Variants in PPIB observed in about 807,000 individuals in gnomAD.
PPIB encodes peptidylprolyl isomerase B, also known as peptidyl-prolyl cis-trans isomerase B.
A neutral mutation model predicts 20.1 loss-of-function variants in PPIB; 15 were observed. That is an observed-to-expected ratio of 0.75 (90% CI 0.50 to 1.15). PPIB has a LOEUF of 1.15. Ranked by LOEUF, PPIB falls within the 50% of genes most tolerant of loss-of-function variation. The pLI is 0.00. For missense variants in PPIB, 278 were observed against 283.0 expected (o/e 0.98, Z 0.13); for synonymous variants, 129 against 111.0 (o/e 1.16, Z -1.02).
chr15:64,162,761 G>T, intron 1 of PPIB, 91 bp downstream of exon 1: 1 of 1,549,316 alleles, frequency 6.5e-7, no homozygotes, highest in Non-Finnish European at 8.7e-7. Context: ...GCCACAGACA[G>T]AAGCCGAGGG....
chr15:64,162,968 G>C lies in PPIB; in HGVS notation c.19C>G (p.Arg7Gly). 2 of 1,613,228 alleles carry C rather than the reference G, an allele frequency of 1.2e-6. No homozygotes were observed. The highest frequency in any genetic ancestry group is 1.3e-5 in the African/African-American group (1 of 75,028). ...GCGGCAAGGAGCACCTTCATGTTGC[G>C]TTCGGAGAGGCGCAGCATCCACAGG... is the stretch of plus-strand genomic sequence containing the variant. MLRLSE[R>G]NMKVLLAAAL... The change falls in exon 1 of 5, where the codon CGC (arginine) becomes GGC (glycine). Residue 7 changes from arginine to glycine, a missense_variant. Arg to Gly is a moderately radical substitution (Grantham distance 125). Coordinates refer to ENST00000300026, the MANE Select transcript of PPIB (RefSeq NM_000942.5).
At position 64,160,331 on chromosome 15, in the gene PPIB, C is replaced by G. The variant is rs964589073; in HGVS notation, c.250-134G>C. ...ACCACTGCTGACCACTTTCACTGTT[C>G]AGTGTGCTACTAAGTGAGCGGGCAG... is the stretch of plus-strand genomic sequence containing the variant. On this transcript the variant is annotated intron_variant, in intron 2 of 4. Transcript: ENST00000300026. This position sits in a 1 kb window ranked among gnomAD's most constrained non-coding sequence, Gnocchi z 4.8. The G allele has an allele frequency of 2.6e-6, 2 of 757,332 alleles. No homozygotes were observed. The highest frequency in any genetic ancestry group is 4.0e-5 in the Admixed American group (2 of 50,134). 46.9% of individuals were successfully genotyped at this position (757,332 alleles called of 1,614,324 possible).
chr15:64,162,114 C>A lies in PPIB; in HGVS notation c.176G>T (p.Arg59Leu). 1 of 1,614,114 alleles carries A rather than the reference C, an allele frequency of 6.2e-7. No individual in the cohort carries two copies. Among genetic ancestry groups the A allele is most frequent in the Non-Finnish European group, 8.5e-7 (1 of 1,179,974 alleles). Residue 59 changes from arginine (R) to leucine (L), a missense_variant, in exon 2 of 5, where the codon CGG becomes CTG. Transcript: ENST00000300026. ...DLRIGDEDVG[R>L]VIFGLFGKTV... ...CTTTCCGAAGAGACCAAAGATCACC[C>A]GGCCTACATCTTCATCTCCAATTCG...
chr15:64,162,290 T>C lies in PPIB; in HGVS notation c.136-136A>G, dbSNP rs1596031506. ...AGAGAAGTGGTTCTGAATCTGATTT[T>C]GGTGACGGTAAAAATCCTATGAGAA... On this transcript the variant is annotated intron_variant, in intron 1 of 4. Coordinates refer to ENST00000300026, the MANE Select transcript of PPIB (RefSeq NM_000942.5). 5 of 750,920 alleles carry C rather than the reference T, an allele frequency of 6.7e-6. No individual in the cohort carries two copies. In the East Asian group the frequency reaches 1.3e-4, roughly 19 times the overall value. 46.5% of individuals were successfully genotyped at this position (750,920 alleles called of 1,614,324 possible).
In PPIB at chr15:64,158,654, A is replaced by G. The variant is rs2140182457; in HGVS notation, c.343+1450T>C. ...TGCAGGCCGAAGCCCAGGCTGCAGG[A>G]CATCACCCACCTCTCTGCACTCCGG... On this transcript the variant is annotated intron_variant, in intron 3 of 4. Coordinates refer to ENST00000300026, the MANE Select transcript of PPIB (RefSeq NM_000942.5). This position sits in a 1 kb window ranked among gnomAD's most constrained non-coding sequence, Gnocchi z 4.7. 6.6e-6 allele frequency among the ~76,000 whole-genome samples: 1 copy of G among 152,208 alleles called. No homozygotes were observed. Among genetic ancestry groups the G allele is most frequent in the Admixed American group, 6.5e-5 (1 of 15,292 alleles).
intron 1 of PPIB, 63 bp from the exon 2 acceptor site, chr15:64,162,217 T>C: frequency 8.6e-7 from 1 of 1,162,954 alleles, no homozygotes; most frequent in Non-Finnish European, 1.3e-6. Context: ...GGAGGGAAGG[T>C]ACAAGAAGCT....
Position 64,158,283 on chromosome 15 carries a change from G to A in PPIB, c.344-1374C>T, listed in dbSNP as rs2081546771. On this transcript the variant is annotated intron_variant, in intron 3 of 4. Coordinates refer to ENST00000300026, the MANE Select transcript of PPIB (RefSeq NM_000942.5). The surrounding 1 kb of genome is among the most constrained non-coding windows in gnomAD (Gnocchi z 4.7). ...TAGGCGAGTGCTTAGGGTGCTCATA[G>A]TGTGAGCCAGAGACTGTTCCAAGCA... 6.6e-6 allele frequency among the ~76,000 whole-genome samples: 1 copy of A among 152,152 alleles called. No individual in the cohort carries two copies. The highest frequency in any genetic ancestry group is 2.4e-5 in the African/African-American group (1 of 41,406).
At position 64,162,829 on chromosome 15, in the gene PPIB, A is replaced by G. The variant is rs756778528; in HGVS notation, c.135+23T>C. The G allele has an allele frequency of 3.7e-6, 6 of 1,607,018 alleles. No homozygotes were observed. In the South Asian group the frequency reaches 6.7e-5, roughly 18 times the overall value. On this transcript the variant is annotated intron_variant, in intron 1 of 4. Transcript: ENST00000300026. ...GCCCGGGCCCGAGCTCCGGCACCGT[A>G]AATGCCGCGGACTCCACCGGACCTT...
At position 64,161,410 on chromosome 15, in the gene PPIB, C is replaced by T. The variant is rs921926476; in HGVS notation, c.249+631G>A. 3.3e-5 allele frequency among the ~76,000 whole-genome samples: 5 copies of T among 151,910 alleles called. No individual in the cohort carries two copies. The highest frequency in any genetic ancestry group is 2.6e-4 in the Admixed American group (4 of 15,262). ...TGTAGCTGGGACCACAGGTGCACCC[C>T]GTCACACCCAGCTAATTAAAAAAAA... On this transcript the variant is annotated intron_variant, in intron 2 of 4. Transcript: ENST00000300026. The surrounding 1 kb of genome is among the most constrained non-coding windows in gnomAD (Gnocchi z 4.2).
At position 64,157,061 on chromosome 15, in the gene PPIB, TCTG is replaced by T; in HGVS notation, c.344-155_344-153del. ...CATAAAAGCAGCGTCCTTCCTATCT[TCTG>T]GCCTCAGAGCCAAGCCATGCTGACT... On this transcript the variant is annotated intron_variant, in intron 3 of 4. Coordinates refer to ENST00000300026, the MANE Select transcript of PPIB (RefSeq NM_000942.5). This position sits in a 1 kb window ranked among gnomAD's most constrained non-coding sequence, Gnocchi z 4.2. 1 of 837,744 alleles carries T rather than the reference TCTG, an allele frequency of 1.2e-6. No homozygotes were observed. Among genetic ancestry groups the T allele is most frequent in the Non-Finnish European group, 1.8e-6 (1 of 546,784 alleles). 51.9% of individuals were successfully genotyped at this position (837,744 alleles called of 1,614,324 possible). A position where few individuals can be genotyped will look rare whatever the true frequency, so the allele number is the denominator to read the frequency against.
In PPIB at chr15:64,156,005, G is replaced by A. The variant is rs1481699837; in HGVS notation, c.*18C>T. On this transcript the variant is annotated 3_prime_UTR_variant, in exon 5 of 5. Transcript: ENST00000300026. The surrounding 1 kb of genome is among the most constrained non-coding windows in gnomAD (Gnocchi z 6.4). ...GGGCCTGCACAGACGGTCACTCAAA[G>A]AAAGATGTCCCTGTGCCCTACTCCT... The A allele has an allele frequency of 6.2e-7, 1 of 1,613,986 alleles. No individual in the cohort carries two copies. The highest frequency in any genetic ancestry group is 8.5e-7 in the Non-Finnish European group (1 of 1,180,010).
rs1405714909 is a variant in PPIB, at chr15:64,160,983, G to T, written c.250-786C>A. Among the ~76,000 whole-genome samples, 1 of 145,496 alleles carries T rather than the reference G, an allele frequency of 6.9e-6. No individual in the cohort carries two copies. Among genetic ancestry groups the T allele is most frequent in the African/African-American group, 2.6e-5 (1 of 39,064 alleles). On this transcript the variant is annotated intron_variant, in intron 2 of 4. Transcript: ENST00000300026. This position sits in a 1 kb window ranked among gnomAD's most constrained non-coding sequence, Gnocchi z 4.8. ...TATTTTTTATTTTTATTTTTGAGAT[G>T]GAGTTTCCCTCTTGTTGCCCAGGCT...
chr15:64,160,258 A>T lies in PPIB; in HGVS notation c.250-61T>A. The T allele has an allele frequency of 7.5e-7, 1 of 1,333,328 alleles. No homozygotes were observed. Among genetic ancestry groups the T allele is most frequent in the Non-Finnish European group, 1.1e-6 (1 of 925,254 alleles). 82.6% of individuals were successfully genotyped at this position (1,333,328 alleles called of 1,614,324 possible). ...GGGGCAGCAGGAAGACATTACATTA[A>T]ATAGGCCTCACAGGAACAAGTCCAC... is the stretch of plus-strand genomic sequence containing the variant. On this transcript the variant is annotated intron_variant, in intron 2 of 4. Coordinates refer to ENST00000300026, the MANE Select transcript of PPIB (RefSeq NM_000942.5). The surrounding 1 kb of genome is among the most constrained non-coding windows in gnomAD (Gnocchi z 4.8).
chr15:64,157,075 C>A lies in PPIB; in HGVS notation c.344-166G>T. ...CCTTCCTATCTTCTGGCCTCAGAGCCAAGCCATGCTGACTGAGGCCAAGTG... is the reference window on the plus strand; with the variant it reads ...CCTTCCTATCTTCTGGCCTCAGAGCAAAGCCATGCTGACTGAGGCCAAGTG... On this transcript the variant is annotated intron_variant, in intron 3 of 4. Transcript: ENST00000300026. This position sits in a 1 kb window ranked among gnomAD's most constrained non-coding sequence, Gnocchi z 4.2. 2.7e-6 allele frequency: 2 copies of A among 741,112 alleles called. No homozygotes were observed. The highest frequency in any genetic ancestry group is 2.2e-6 in the Non-Finnish European group (1 of 461,754). The allele number at this position is 741,112 out of a possible 1,614,324, so 45.9% of individuals were successfully genotyped here.
Position 64,159,772 on chromosome 15 carries a change from G to T in PPIB, c.343+332C>A. 1 of 429,772 alleles carries T rather than the reference G, an allele frequency of 2.3e-6. No individual in the cohort carries two copies. Among genetic ancestry groups the T allele is most frequent in the Admixed American group, 3.5e-5 (1 of 28,228 alleles). The allele number at this position is 429,772 out of a possible 1,614,324, so 26.6% of individuals were successfully genotyped here. On this transcript the variant is annotated intron_variant, in intron 3 of 4. Coordinates refer to ENST00000300026, the MANE Select transcript of PPIB (RefSeq NM_000942.5). The surrounding 1 kb of genome is among the most constrained non-coding windows in gnomAD (Gnocchi z 5.1). ...CTGACCTAGAATCGCGTACCCACAT[G>T]TCTTCACTTTGCTTCCACACGCCTC...
In PPIB at chr15:64,162,115, G is replaced by A. The variant is rs750516270; in HGVS notation, c.175C>T (p.Arg59Trp). 5 of 1,614,066 alleles carry A rather than the reference G, an allele frequency of 3.1e-6. No homozygotes were observed. Among genetic ancestry groups the A allele is most frequent in the South Asian group, 1.1e-5 (1 of 91,084 alleles). ...TTTCCGAAGAGACCAAAGATCACCC[G>A]GCCTACATCTTCATCTCCAATTCGT... ...DLRIGDEDVG[R>W]VIFGLFGKTV... Residue 59 changes from arginine to tryptophan, a missense_variant, in exon 2 of 5, where the codon CGG becomes TGG. Physicochemically the swap from Arg to Trp is moderately radical, Grantham distance 101 (BLOSUM62 -3). Transcript: ENST00000300026.
rs1360477876 is a variant in PPIB, at chr15:64,158,622, G to T, written c.343+1482C>A. ...TCCTCTTACTCAGCTCTGTGGCCCT[G>T]ACTCCCTGCAGGCCGAAGCCCAGGC... On this transcript the variant is annotated intron_variant, in intron 3 of 4. Coordinates refer to ENST00000300026, the MANE Select transcript of PPIB (RefSeq NM_000942.5). This position sits in a 1 kb window ranked among gnomAD's most constrained non-coding sequence, Gnocchi z 4.7. Among the ~76,000 whole-genome samples the T allele has an allele frequency of 6.6e-6, 1 of 152,164 alleles. No homozygotes were observed. Among genetic ancestry groups the T allele is most frequent in the Non-Finnish European group, 1.5e-5 (1 of 68,024 alleles).
At chr15:64,162,726 G>A in intron 1 of PPIB, 126 bp downstream of exon 1, 1 of 1,469,194 alleles carries the variant, frequency 6.8e-7, no homozygotes. Context: ...GGACTGAATG[G>A]GCAGGACGGC....
Position 64,161,704 on chromosome 15 carries a change from G to C in PPIB, c.249+337C>G, listed in dbSNP as rs561427955. On this transcript the variant is annotated intron_variant, in intron 2 of 4. Transcript: ENST00000300026. The surrounding 1 kb of genome is among the most constrained non-coding windows in gnomAD (Gnocchi z 4.2). Reference sequence around the variant, plus strand: ...CGCACCACTGCACTCCAGCCCAGGCGACAAGAGTGAAACTCCGTCTCAAAA... The same window carrying C: ...CGCACCACTGCACTCCAGCCCAGGCCACAAGAGTGAAACTCCGTCTCAAAA... Among the ~76,000 whole-genome samples, 1 of 150,962 alleles carries C rather than the reference G, an allele frequency of 6.6e-6. No individual in the cohort carries two copies. Among genetic ancestry groups the C allele is most frequent in the African/African-American group, 2.4e-5 (1 of 41,048 alleles).
Sources: gnomAD v4.1 joint callset for allele counts (sites outside exome capture counted in the v4.1 genomes callset) on GRCh38, gnomAD v4.1.1 for gene constraint, Gnocchi (gnomAD v3.1) non-coding constraint, MANE v1.5 for transcripts, NCBI Gene and HGNC (gene_info 2026-07-23, HGNC 2026-07-21) for gene names.